INVS: variants seen among roughly 807,000 people sequenced by gnomAD.
The protein encoded by INVS is inversion of embryo turning homolog.
INVS carries 86 observed loss-of-function variants against 108.8 expected under a neutral mutation model. The observed-to-expected ratio is 0.79, with a 90% CI of 0.66 to 0.95. INVS has a LOEUF of 0.95. INVS is among the 40% of genes least tolerant of loss of function. INVS has a pLI of 0.00. For synonymous variants in INVS, 455 were observed against 473.5 expected, an observed-to-expected ratio of 0.96 and a Z score of 0.51; for missense variants, 1,169 against 1,297.4, an observed-to-expected ratio of 0.90 and a Z score of 1.52.
rs1831818933 is a variant in INVS, at chr9:100,240,149, C to T, written c.705C>T (p.Thr235=). ...TTGCAGTTGCTGATGGGAATGTGAC[C>T]GTGGTTGATGTCTTGACCTCATATG... ...LHFAVADGNV[T]VVDVLTSYES... Residue 235 remains threonine (T), a synonymous_variant, in exon 6 of 17, where the codon ACC becomes ACT. Coordinates refer to ENST00000262457, the MANE Select transcript of INVS (RefSeq NM_014425.5). The T allele has an allele frequency of 2.5e-6, 4 of 1,613,668 alleles. No individual in the cohort carries two copies. The highest frequency in any genetic ancestry group is 3.3e-4 in the Middle Eastern group (2 of 6,084).
At chr9:100,132,245 GA>G (rs1194908335) in intron 3 of INVS, among the ~76,000 whole-genome samples, 1 of 152,008 alleles carries the variant, frequency 6.6e-6, no homozygotes, top group Non-Finnish European at 1.5e-5. Context: ...ATGAATGAAT[GA>G]ATGAATGAAT....
At chr9:100,230,996 A>T (rs1831494056) in intron 5 of INVS, among the ~76,000 whole-genome samples, 1 of 152,114 alleles carries the variant, frequency 6.6e-6, no homozygotes, top group Non-Finnish European at 1.5e-5. Flanking sequence ...CATATCTAGG[A>T]TATATATTTA....
chr9:100,132,397 T>C (rs1828081318), intron 3 of INVS, among the ~76,000 whole-genome samples: 2 of 152,238 alleles, frequency 1.3e-5, no homozygotes, highest in African/African-American at 4.8e-5. Context: ...AATCAGGATT[T>C]TTTAAGATTT....
At chr9:100,296,406 T>C (rs1469118858) in intron 14 of INVS, among the ~76,000 whole-genome samples, 3 of 152,202 alleles carry the variant, frequency 2.0e-5, no homozygotes, top group African/African-American at 7.2e-5. Flanking sequence ...AAGCCCCCTT[T>C]CGTCACCAAA....
At chr9:100,234,729 ACTGT>A (rs1290762199) in intron 5 of INVS, among the ~76,000 whole-genome samples, 7 of 152,136 alleles carry the variant, frequency 4.6e-5, no homozygotes, top group Admixed American at 2.6e-4. Context: ...GGTCTAAGAG[ACTGT>A]CTGTTATGAT....
chr9:100,199,934 A>G (rs1047771480), intron 3 of INVS, among the ~76,000 whole-genome samples: 7 of 152,186 alleles, frequency 4.6e-5, no homozygotes, highest in Admixed American at 4.6e-4. Flanking sequence ...TACACATAAC[A>G]TTAGACTTTT....
At chr9:100,233,903 T>G (rs886253657) in intron 5 of INVS, among the ~76,000 whole-genome samples, 20 of 152,246 alleles carry the variant, frequency 1.3e-4, no homozygotes, top group African/African-American at 4.6e-4. Flanking sequence ...TTAGGGAGGA[T>G]TCCCTCTTTT....
chr9:100,256,836 G>A (rs906928590), intron 10 of INVS, among the ~76,000 whole-genome samples: 9 of 151,718 alleles, frequency 5.9e-5, no homozygotes, highest in African/African-American at 2.2e-4. Flanking sequence ...TTACTATGTT[G>A]TCAATTTTGG....
At chr9:100,245,247 T>A (rs530200879) in intron 7 of INVS, among the ~76,000 whole-genome samples, 1 of 152,114 alleles carries the variant, frequency 6.6e-6, no homozygotes, top group South Asian at 2.1e-4. Flanking sequence ...AATAGAATTG[T>A]CAAGGGTCCT....
chr9:100,223,866 C>G (rs1436486695), intron 3 of INVS, among the ~76,000 whole-genome samples: 3 of 152,202 alleles, frequency 2.0e-5, no homozygotes, highest in Admixed American at 6.5e-5. Flanking sequence ...CCTATCTCTG[C>G]CCCTGTGGGC....
chr9:100,161,269 G>A (rs184497619), intron 3 of INVS, among the ~76,000 whole-genome samples: 5 of 149,748 alleles, frequency 3.3e-5, no homozygotes, highest in Admixed American at 1.3e-4. Context: ...CCAGCTATTC[G>A]GGAGACTGAG....
intron 3 of INVS, among the ~76,000 whole-genome samples, chr9:100,214,648 G>A (rs113349547): frequency 1.1e-4 from 16 of 152,158 alleles, no homozygotes; most frequent in Non-Finnish European, 2.4e-4. Flanking sequence ...TGTATACAAC[G>A]GGGTCCACAT....
intron 3 of INVS, among the ~76,000 whole-genome samples, chr9:100,177,557 A>C (rs906409189): frequency 2.0e-5 from 3 of 152,224 alleles, no homozygotes; most frequent in Admixed American, 6.5e-5. Context: ...AAGCTACTGC[A>C]GCCAGACTGC....
intron 3 of INVS, among the ~76,000 whole-genome samples, chr9:100,164,436 T>C (rs1054682515): frequency 2.0e-5 from 3 of 152,108 alleles, no homozygotes; most frequent in Non-Finnish European, 4.4e-5. Flanking sequence ...TTTTTTAAAA[T>C]GTTTTCTTAA....
rs566162861 is a variant in INVS at position 100,300,720 on chromosome 9, T to G, written c.*46T>G. The G allele has an allele frequency of 1.5e-6, 2 of 1,327,116 alleles. No individual in the cohort carries two copies. The highest frequency in any genetic ancestry group is 1.2e-5 in the South Asian group (1 of 84,702). The allele number at this position is 1,327,116 out of a possible 1,614,324, so 82.2% of individuals were successfully genotyped here. A position where few individuals can be genotyped will look rare whatever the true frequency, so the allele number is the denominator to read the frequency against. On this transcript the variant is annotated 3_prime_UTR_variant, in exon 17 of 17. Transcript: ENST00000262457. ...TGTTCGGGGGAGCTGGCATAGCTAG[T>G]GCAGAGTTCAGATTTTCTGCTGATA...
chr9:100,150,881 A>G (rs1354425384), intron 3 of INVS, among the ~76,000 whole-genome samples: 2 of 152,216 alleles, frequency 1.3e-5, no homozygotes, highest in African/African-American at 4.8e-5. Flanking sequence ...CAAATGTGAC[A>G]ACAGATGATA....
At chr9:100,161,469 G>A (rs986782068) in intron 3 of INVS, among the ~76,000 whole-genome samples, 3 of 151,916 alleles carry the variant, frequency 2.0e-5, no homozygotes, top group African/African-American at 7.3e-5. Context: ...CCAGAAGTGG[G>A]CCTTATAATT....
chr9:100,171,381 G>A (rs1159197317), intron 3 of INVS, among the ~76,000 whole-genome samples: 1 of 152,066 alleles, frequency 6.6e-6, no homozygotes, highest in Non-Finnish European at 1.5e-5. Context: ...GCCTAGGTGT[G>A]TAATAAGTTA....
At chr9:100,208,195 C>A (rs1338857088) in intron 3 of INVS, among the ~76,000 whole-genome samples, 1 of 152,144 alleles carries the variant, frequency 6.6e-6, no homozygotes, top group African/African-American at 2.4e-5. Context: ...CAGGGATTGA[C>A]TTGCAGATGG....
Sources: gnomAD v4.1 joint callset for allele counts (sites outside exome capture counted in the v4.1 genomes callset) on GRCh38, gnomAD v4.1.1 for gene constraint, MANE v1.5 for transcripts, NCBI Gene and HGNC (gene_info 2026-07-23, HGNC 2026-07-21) for gene names.